CDH4: variants seen among roughly 807,000 people sequenced by gnomAD.
CDH4 encodes the protein cadherin 4.
A neutral mutation model predicts 86.0 loss-of-function variants in CDH4; 33 were observed. That is an observed-to-expected ratio of 0.38 (90% CI 0.29 to 0.51). CDH4 has a LOEUF of 0.51. Among genes scored for constraint, CDH4 ranks in the 20% least tolerant of loss-of-function variants. The probability of loss-of-function intolerance (pLI) is 0.86; values close to 1 mark genes in which losing one functional copy is unlikely to be tolerated. For missense variants in CDH4, 1,114 were observed against 1,307.4 expected (o/e 0.85, Z 2.28); for synonymous variants, 555 against 549.4 (o/e 1.01, Z -0.14).
Position 61,868,644 on chromosome 20 carries a change from G to A in CDH4, c.878-5084G>A, listed in dbSNP as rs552292945. Among the ~76,000 whole-genome samples the A allele has an allele frequency of 8.2e-4, 125 of 152,198 alleles. 1 individual carries two copies. Among genetic ancestry groups the A allele is most frequent in the Non-Finnish European group, 1.5e-3 (104 of 68,012 alleles). ...GGCTGAGTGTCCCTCCATGCTAAGC[G>A]GTGTCCTCCATGCTGGGCGGATGTC... On this transcript the variant is annotated intron_variant, in intron 6 of 15. Transcript: ENST00000614565.
At chr20:61,758,661 T>C (rs1342168922) in intron 3 of CDH4, among the ~76,000 whole-genome samples, 1 of 152,180 alleles carries the variant, frequency 6.6e-6, no homozygotes, top group Non-Finnish European at 1.5e-5. Flanking sequence ...CCGCGTCCCA[T>C]GTACAGTGAC....
intron 2 of CDH4, among the ~76,000 whole-genome samples, chr20:61,271,781 C>T (rs1049754139): frequency 6.6e-6 from 1 of 152,204 alleles, no homozygotes; most frequent in Non-Finnish European, 1.5e-5. Flanking sequence ...ACGCCATGGT[C>T]CTGGTTTTGC....
chr20:61,422,947 G>A (rs1396985219), intron 2 of CDH4, among the ~76,000 whole-genome samples: 1 of 152,174 alleles, frequency 6.6e-6, no homozygotes, highest in African/African-American at 2.4e-5. Context: ...TGCGATAAGG[G>A]ATTTTTTATT....
Position 61,355,394 on chromosome 20 carries a change from C to T in CDH4, c.169+100457C>T, listed in dbSNP as rs368170609. Among the ~76,000 whole-genome samples, 190 of 152,290 alleles carry T rather than the reference C, an allele frequency of 1.2e-3. 2 individuals are homozygous for T. Among genetic ancestry groups the T allele is most frequent in the African/African-American group, 4.5e-3 (186 of 41,562 alleles). On this transcript the variant is annotated intron_variant, in intron 2 of 15. Transcript: ENST00000614565. Reference sequence around the variant, plus strand: ...TGTCCTTGGTTCTTAGCAGTGACCTCGGCAGGACTGAAGGGGAAGGTGATT... The same window carrying T: ...TGTCCTTGGTTCTTAGCAGTGACCTTGGCAGGACTGAAGGGGAAGGTGATT...
At chr20:61,803,526 G>T (rs1979949357) in intron 4 of CDH4, among the ~76,000 whole-genome samples, 1 of 152,236 alleles carries the variant, frequency 6.6e-6, no homozygotes, top group South Asian at 2.1e-4. Context: ...CTGCCCCTCT[G>T]AGTTCATCCT....
rs1156864328 is a variant in CDH4, at chr20:61,559,519, C to CTTTTTTTTT, written c.170-184033_170-184025dup. The stretch of plus-strand genomic sequence containing the variant: ...TCTCCTTTCTTTTTAATTTTTTTTT[C>CTTTTTTTTT]TTTTTTTTTTTTTTTTTTTGACACA... On this transcript the variant is annotated intron_variant, in intron 2 of 15. Coordinates refer to ENST00000614565, the MANE Select transcript of CDH4 (RefSeq NM_001794.5). Among the ~76,000 whole-genome samples, 26 of 105,170 alleles carry CTTTTTTTTT rather than the reference C, an allele frequency of 2.5e-4. 1 individual carries two copies. Among genetic ancestry groups the CTTTTTTTTT allele is most frequent in the African/African-American group, 4.2e-4 (10 of 23,706 alleles). The allele number at this position is 105,170 out of a possible 152,430, so 69.0% of individuals were successfully genotyped here. A position where few individuals can be genotyped will look rare whatever the true frequency, so the allele number is the denominator to read the frequency against.
intron 4 of CDH4, among the ~76,000 whole-genome samples, chr20:61,774,737 C>T (rs2088817655): frequency 6.6e-6 from 1 of 152,160 alleles, no homozygotes; most frequent in Non-Finnish European, 1.5e-5. Flanking sequence ...CATGTGTTCT[C>T]ATCATTCAGC....
chr20:61,562,804 G>A (rs1011353973), intron 2 of CDH4, among the ~76,000 whole-genome samples: 6 of 152,284 alleles, frequency 3.9e-5, no homozygotes, highest in East Asian at 1.9e-4. Flanking sequence ...TATGTAAATC[G>A]TGGTTCAGTG....
intron 2 of CDH4, among the ~76,000 whole-genome samples, chr20:61,572,988 A>G (rs2086353710): frequency 6.9e-6 from 1 of 145,094 alleles, no homozygotes; most frequent in Non-Finnish European, 1.5e-5. Context: ...ATGGACGGAT[A>G]GACGGACGGA....
rs547373021 is a variant in CDH4, at chr20:61,615,115, GT to G, written c.170-128443del. ...CATACATTTTGCTTTTTTTGTTGTT[GT>G]TTTTGTTTTTTTGGTTTTTTTTTTG... On this transcript the variant is annotated intron_variant, in intron 2 of 15. Transcript: ENST00000614565. Among the ~76,000 whole-genome samples the G allele has an allele frequency of 8.4e-5, 9 of 106,732 alleles. 1 individual carries two copies. The South Asian group carries it at 2.4e-3, about 28-fold the overall frequency. 70.0% of individuals were successfully genotyped at this position (106,732 alleles called of 152,430 possible). A position where few individuals can be genotyped will look rare whatever the true frequency, so the allele number is the denominator to read the frequency against.
intron 2 of CDH4, among the ~76,000 whole-genome samples, chr20:61,503,947 G>T (rs1463887716): frequency 6.6e-6 from 1 of 152,162 alleles, no homozygotes; most frequent in Non-Finnish European, 1.5e-5. Flanking sequence ...AAGAACATGA[G>T]CCAGGTCGGC....
intron 2 of CDH4, among the ~76,000 whole-genome samples, chr20:61,462,937 G>A (rs1397823975): frequency 2.0e-5 from 3 of 152,142 alleles, no homozygotes; most frequent in Non-Finnish European, 2.9e-5. Context: ...GTTTGACTGT[G>A]TCCTCATCTA....
chr20:61,565,289 A>T lies in CDH4; in HGVS notation c.170-178274A>T, dbSNP rs147299184. On this transcript the variant is annotated intron_variant, in intron 2 of 15. Coordinates refer to ENST00000614565, the MANE Select transcript of CDH4 (RefSeq NM_001794.5). ...TGGTGGTCCTCTTGGTGATGGGGTGATGGTGGTGGCGGTGCTCTTGGTGGT... is the reference window on the plus strand; with the variant it reads ...TGGTGGTCCTCTTGGTGATGGGGTGTTGGTGGTGGCGGTGCTCTTGGTGGT... Among the ~76,000 whole-genome samples, 14 of 18,624 alleles carry T rather than the reference A, an allele frequency of 7.5e-4. 3 individuals are homozygous for T. The highest frequency in any genetic ancestry group is 9.4e-4 in the Non-Finnish European group (10 of 10,668). The allele number at this position is 18,624 out of a possible 152,430, so 12.2% of individuals were successfully genotyped here. A position where few individuals can be genotyped will look rare whatever the true frequency, so the allele number is the denominator to read the frequency against.
intron 14 of CDH4, among the ~76,000 whole-genome samples, 166 bp downstream of exon 14, chr20:61,933,290 T>C (rs1891585): frequency 0.55 from 83,551 of 152,174 alleles, 23,535 homozygotes; most frequent in East Asian, 0.87. Flanking sequence ...CTGAGCTGTG[T>C]ACACTGCACC....
At chr20:61,281,646 T>A (rs1466045522) in intron 2 of CDH4, among the ~76,000 whole-genome samples, 1 of 152,230 alleles carries the variant, frequency 6.6e-6, no homozygotes, top group Non-Finnish European at 1.5e-5. Flanking sequence ...GGCAGTCACG[T>A]GCACTTGCTG....
chr20:61,443,319 A>G (rs558656796), intron 2 of CDH4, among the ~76,000 whole-genome samples: 1 of 152,274 alleles, frequency 6.6e-6, no homozygotes, highest in East Asian at 1.9e-4. Flanking sequence ...TGTGGCTGCT[A>G]TTTTAGGGAT....
intron 2 of CDH4, among the ~76,000 whole-genome samples, chr20:61,329,624 C>G (rs530125221): frequency 2.0e-5 from 3 of 152,172 alleles, no homozygotes; most frequent in Admixed American, 6.5e-5. Context: ...AGCCTGTGCT[C>G]TCCTCTCAGA....
intron 2 of CDH4, among the ~76,000 whole-genome samples, chr20:61,325,877 C>T (rs775469376): frequency 1.3e-5 from 2 of 152,136 alleles, no homozygotes; most frequent in African/African-American, 4.8e-5. Context: ...CCACGGGTGC[C>T]GACGCAAGTG....
Position 61,806,548 on chromosome 20 carries a change from C to T in CDH4, c.576+33366C>T, listed in dbSNP as rs566777273. On this transcript the variant is annotated intron_variant, in intron 4 of 15. Coordinates refer to ENST00000614565, the MANE Select transcript of CDH4 (RefSeq NM_001794.5). ...ACACGTGTGCACACACATGTCCACG[C>T]GCACGCACACACATGTCCACGCGCA... is the stretch of plus-strand genomic sequence containing the variant. 1.2e-4 allele frequency among the ~76,000 whole-genome samples: 16 copies of T among 138,814 alleles called. No individual in the cohort carries two copies. The East Asian group carries it at 2.0e-3, about 17-fold the overall frequency. 91.1% of individuals were successfully genotyped at this position (138,814 alleles called of 152,430 possible). A position where few individuals can be genotyped will look rare whatever the true frequency, so the allele number is the denominator to read the frequency against.
Sources: gnomAD v4.1 joint callset for allele counts (sites outside exome capture counted in the v4.1 genomes callset) on GRCh38, gnomAD v4.1.1 for gene constraint, MANE v1.5 for transcripts, NCBI Gene and HGNC (gene_info 2026-07-23, HGNC 2026-07-21) for gene names.